Variants in TCF4 observed in about 807,000 individuals in gnomAD.
The protein encoded by TCF4 is transcription factor 4, also known as SL3-3 enhancer factor 2.
In TCF4, 3 loss-of-function variants were observed where a neutral mutation model predicts 82.1. The observed-to-expected ratio is 0.04, with a 90% CI of 0.02 to 0.09. TCF4 has a LOEUF of 0.09. Ranked by LOEUF, TCF4 falls within the 10% of genes least tolerant of loss-of-function variation. The pLI, the probability that TCF4 is intolerant of heterozygous loss-of-function variation, is 1.00. For missense variants in TCF4, 518 were observed against 852.7 expected, an observed-to-expected ratio of 0.61 and a Z score of 4.89; for synonymous variants, 276 against 309.6, an observed-to-expected ratio of 0.89 and a Z score of 1.14.
chr18:55,333,548 G>A lies in TCF4; in HGVS notation c.549+16811C>T, dbSNP rs138110159. On this transcript the variant is annotated intron_variant, in intron 8 of 19. Coordinates refer to ENST00000354452, the MANE Select transcript of TCF4 (RefSeq NM_001083962.2). ...CTTAATTTCTTTGAATAAAATGCAG[G>A]TGCTTCATTTCAAATGGGGTCCAAA... Among the ~76,000 whole-genome samples the A allele has an allele frequency of 1.3e-3, 191 of 152,066 alleles. 1 individual carries two copies. The highest frequency in any genetic ancestry group is 4.2e-3 in the African/African-American group (174 of 41,498).
At chr18:55,626,402 A>G (rs1429959434) in intron 2 of TCF4, among the ~76,000 whole-genome samples, 4 of 152,192 alleles carry the variant, frequency 2.6e-5, no homozygotes, top group Non-Finnish European at 4.4e-5. Context: ...ATCCTGTTGA[A>G]AAAAAGTTCC....
At chr18:55,304,328 ACAAATAAGC>A (rs1228325276) in intron 8 of TCF4, among the ~76,000 whole-genome samples, 1 of 152,218 alleles carries the variant, frequency 6.6e-6, no homozygotes, top group Non-Finnish European at 1.5e-5. Context: ...TGAGAGTAAG[ACAAATAAGC>A]CTAATGTAAC....
At chr18:55,370,911 T>C (rs1405368087) in intron 6 of TCF4, among the ~76,000 whole-genome samples, 1 of 152,236 alleles carries the variant, frequency 6.6e-6, no homozygotes, top group African/African-American at 2.4e-5. Context: ...GTGTTTCCTT[T>C]ACAAAGTTTT....
In TCF4 at chr18:55,297,756, A is replaced by C. The variant is rs189596459; in HGVS notation, c.550-18100T>G. 2.0e-5 allele frequency among the ~76,000 whole-genome samples: 3 copies of C among 152,222 alleles called. No individual in the cohort carries two copies. In the East Asian group the frequency reaches 5.8e-4, roughly 29 times the overall value. On this transcript the variant is annotated intron_variant, in intron 8 of 19. Coordinates refer to ENST00000354452, the MANE Select transcript of TCF4 (RefSeq NM_001083962.2). Reference sequence around the variant, plus strand: ...ATTTGTGAATAACTACAAACAAAAAACAAAAACAACAAAAAAAGAAGCAAA... The same window carrying C: ...ATTTGTGAATAACTACAAACAAAAACCAAAAACAACAAAAAAAGAAGCAAA...
chr18:55,583,540 T>C (rs983416744), intron 3 of TCF4, among the ~76,000 whole-genome samples: 3 of 152,160 alleles, frequency 2.0e-5, no homozygotes, highest in Admixed American at 6.5e-5. Flanking sequence ...GTTGTCTTTT[T>C]AAATGTAACA....
intron 3 of TCF4, among the ~76,000 whole-genome samples, chr18:55,493,647 A>T (rs1177165252): frequency 1.3e-5 from 2 of 152,218 alleles, no homozygotes; most frequent in African/African-American, 4.8e-5. Context: ...GTTAATTTAT[A>T]AATTACTTGA....
chr18:55,455,846 TTG>T (rs2095740878), intron 5 of TCF4, among the ~76,000 whole-genome samples: 2 of 152,254 alleles, frequency 1.3e-5, no homozygotes, highest in Non-Finnish European at 2.9e-5. Context: ...TTATGTTTCT[TTG>T]TAGTCATGCT....
chr18:55,415,083 C>T (rs963123256), intron 5 of TCF4, among the ~76,000 whole-genome samples: 1 of 152,096 alleles, frequency 6.6e-6, no homozygotes, highest in Non-Finnish European at 1.5e-5. Context: ...GTTCTATTCC[C>T]AACTTAGTCC....
chr18:55,503,016 T>C (rs1463409572), intron 3 of TCF4, among the ~76,000 whole-genome samples: 3 of 152,210 alleles, frequency 2.0e-5, no homozygotes, highest in Admixed American at 6.5e-5. Flanking sequence ...TCCTTACCAA[T>C]GGATATGAAT....
chr18:55,634,632 G>A (rs1159219833), intron 1 of TCF4, among the ~76,000 whole-genome samples: 1 of 152,106 alleles, frequency 6.6e-6, no homozygotes, highest in Admixed American at 6.6e-5. Flanking sequence ...TTGGTGATGG[G>A]TTTTGAGCAA....
At chr18:55,331,778 A>G (rs2077612903) in intron 8 of TCF4, among the ~76,000 whole-genome samples, 1 of 152,210 alleles carries the variant, frequency 6.6e-6, no homozygotes, top group African/African-American at 2.4e-5. Context: ...TGATTTCATG[A>G]ACCTGGTCTG....
intron 6 of TCF4, among the ~76,000 whole-genome samples, chr18:55,391,765 TCTA>T (rs1370462181): frequency 6.6e-6 from 1 of 150,882 alleles, no homozygotes; most frequent in Non-Finnish European, 1.5e-5. Context: ...AAACCCTGTC[TCTA>T]CAAAAATATT....
At chr18:55,354,132 T>A (rs1305884858) in intron 6 of TCF4, among the ~76,000 whole-genome samples, 3 of 152,140 alleles carry the variant, frequency 2.0e-5, no homozygotes, top group Non-Finnish European at 4.4e-5. Flanking sequence ...GCCCTTCCCC[T>A]TACTCGCTCC....
At chr18:55,301,596 C>T (rs1466757713) in intron 8 of TCF4, among the ~76,000 whole-genome samples, 1 of 152,068 alleles carries the variant, frequency 6.6e-6, no homozygotes, top group Non-Finnish European at 1.5e-5. Flanking sequence ...TTCCCCCTAT[C>T]CCATTATATG....
At chr18:55,306,253 C>G (rs1446180314) in intron 8 of TCF4, among the ~76,000 whole-genome samples, 1 of 152,138 alleles carries the variant, frequency 6.6e-6, no homozygotes, top group Non-Finnish European at 1.5e-5. Flanking sequence ...GGGTGTAGTA[C>G]TGTTTTCATT....
At chr18:55,411,180 A>G (rs1166482518) in intron 5 of TCF4, among the ~76,000 whole-genome samples, 3 of 152,194 alleles carry the variant, frequency 2.0e-5, no homozygotes, top group Non-Finnish European at 2.9e-5. Context: ...GAACCACCAA[A>G]GTAATGATTT....
At chr18:55,559,138 C>T (rs532088553) in intron 3 of TCF4, among the ~76,000 whole-genome samples, 1 of 144,248 alleles carries the variant, frequency 6.9e-6, no homozygotes, top group African/African-American at 2.6e-5. Context: ...AACTAGAACA[C>T]GTTCCCCAAA....
At chr18:55,432,099 C>T (rs1052056141) in intron 5 of TCF4, among the ~76,000 whole-genome samples, 3 of 152,072 alleles carry the variant, frequency 2.0e-5, no homozygotes, top group East Asian at 1.9e-4. Flanking sequence ...GTCAGGAGTT[C>T]GAGACCAGCC....
At chr18:55,233,574 G>C (rs766425027) in intron 16 of TCF4, among the ~76,000 whole-genome samples, 1 of 152,080 alleles carries the variant, frequency 6.6e-6, no homozygotes, top group East Asian at 1.9e-4. Flanking sequence ...CCAGCACTTC[G>C]GGAGGCTGAG....
Sources: allele counts gnomAD v4.1 joint callset (sites outside exome capture counted in the v4.1 genomes callset), GRCh38; gene constraint gnomAD v4.1.1; transcripts MANE v1.5; gene names NCBI Gene and HGNC (gene_info 2026-07-23, HGNC 2026-07-21).